The following CHRM3 variants were observed in gnomAD, a reference collection of about 807,000 sequenced individuals.
CHRM3 encodes the protein muscarinic acetylcholine receptor M3.
Under a neutral mutation model 41.8 loss-of-function variants are expected in CHRM3, and 11 were observed. That is an observed-to-expected ratio of 0.26 (90% CI 0.17 to 0.44). The LOEUF (loss-of-function observed/expected upper bound fraction) is 0.44. CHRM3 is among the 20% of genes least tolerant of loss of function. CHRM3 has a pLI of 1.00. For synonymous variants in CHRM3, 297 were observed against 301.4 expected (o/e 0.99, Z 0.15); for missense variants, 571 against 745.4 (o/e 0.77, Z 2.72).
rs564881964 is a variant in CHRM3 at position 239,565,698 on chromosome 1, G to T, written c.-313+19949G>T. ...CTTTTTAAAAGTTTCACAATTAGAT[G>T]AATAATTCTCTTTGTTTTGTTTCTG... On this transcript the variant is annotated intron_variant, in intron 3 of 6. Transcript: ENST00000676153. 7.7e-4 allele frequency among the ~76,000 whole-genome samples: 117 copies of T among 152,150 alleles called. 1 individual carries two copies. The South Asian group carries it at 0.016, about 21-fold the overall frequency.
chr1:239,524,471 TCG>T (rs1669860258), intron 2 of CHRM3, among the ~76,000 whole-genome samples: 1 of 152,144 alleles, frequency 6.6e-6, no homozygotes, highest in South Asian at 2.1e-4. Context: ...CAATTATTTG[TCG>T]CCATGACCGC....
At chr1:239,570,322 C>T (rs1429752781) in intron 3 of CHRM3, among the ~76,000 whole-genome samples, 2 of 152,094 alleles carry the variant, frequency 1.3e-5, no homozygotes, top group African/African-American at 4.8e-5. Flanking sequence ...CCTGAGGTCT[C>T]CCCAGCCATG....
At chr1:239,502,297 A>G (rs753046368) in intron 2 of CHRM3, among the ~76,000 whole-genome samples, 4 of 152,196 alleles carry the variant, frequency 2.6e-5, no homozygotes, top group Admixed American at 1.3e-4. Flanking sequence ...CAAGGCTACT[A>G]TGAACACCTT....
chr1:239,862,520 A>G (rs1318779036), intron 6 of CHRM3, among the ~76,000 whole-genome samples: 4 of 152,220 alleles, frequency 2.6e-5, no homozygotes, highest in African/African-American at 9.6e-5. Context: ...AAAGGGCAGT[A>G]GAACATGAAA....
chr1:239,838,828 G>A (rs142520603), intron 6 of CHRM3, among the ~76,000 whole-genome samples: 2 of 152,276 alleles, frequency 1.3e-5, no homozygotes, highest in East Asian at 3.9e-4. Flanking sequence ...AGCTCTTACT[G>A]CAGAAATTTA....
rs1671772484 is a variant in CHRM3 at position 239,646,729 on chromosome 1, GAA to G, written c.-250+14445_-250+14446del. Among the ~76,000 whole-genome samples the G allele has an allele frequency of 2.0e-5, 3 of 152,100 alleles. No individual in the cohort carries two copies. In the East Asian group the frequency reaches 5.8e-4, roughly 29 times the overall value. On this transcript the variant is annotated intron_variant, in intron 4 of 6. Coordinates refer to ENST00000676153, the MANE Select transcript of CHRM3 (RefSeq NM_001375978.1). Reference sequence around the variant, plus strand: ...TGGGTGTGTGGGTTATGAGGATGAGGAAAGGCAGACAAGGCCAGAATGAGAAT... The same window carrying G: ...TGGGTGTGTGGGTTATGAGGATGAGGAGGCAGACAAGGCCAGAATGAGAAT...
chr1:239,790,019 G>T (rs545244432), intron 5 of CHRM3, among the ~76,000 whole-genome samples: 1 of 152,110 alleles, frequency 6.6e-6, no homozygotes, highest in Non-Finnish European at 1.5e-5. Context: ...CCCGTTTGGC[G>T]AATTTCTACC....
chr1:239,769,209 G>A (rs1329220003), intron 5 of CHRM3, among the ~76,000 whole-genome samples: 3 of 152,182 alleles, frequency 2.0e-5, no homozygotes, highest in Non-Finnish European at 4.4e-5. Context: ...GGGTGAACAG[G>A]TAGGCAATGG....
intron 4 of CHRM3, among the ~76,000 whole-genome samples, chr1:239,662,690 C>T (rs920734557): frequency 3.4e-4 from 52 of 152,162 alleles, no homozygotes; most frequent in African/African-American, 1.3e-3. Context: ...TAGTTTTCTG[C>T]AATGGATATT....
chr1:239,508,660 C>T lies in CHRM3; in HGVS notation c.-422+15853C>T, dbSNP rs561541224. ...AGTGAGTACGTTCTTACGAAATCAG[C>T]CCTAGAGCTTATTAGCGAAGTGCTT... is the stretch of plus-strand genomic sequence containing the variant. On this transcript the variant is annotated intron_variant, in intron 2 of 6. Transcript: ENST00000676153. Among the ~76,000 whole-genome samples, 27 of 152,258 alleles carry T rather than the reference C, an allele frequency of 1.8e-4. 1 individual carries two copies. In the South Asian group the frequency reaches 5.4e-3, roughly 30 times the overall value.
chr1:239,515,624 C>G (rs1223742783), intron 2 of CHRM3, among the ~76,000 whole-genome samples: 1 of 152,126 alleles, frequency 6.6e-6, no homozygotes, highest in Non-Finnish European at 1.5e-5. Context: ...GCATTCCACA[C>G]AAACAATTAT....
intron 1 of CHRM3, among the ~76,000 whole-genome samples, chr1:239,436,414 C>T (rs887742597): frequency 6.6e-6 from 1 of 152,104 alleles, no homozygotes; most frequent in African/African-American, 2.4e-5. Context: ...CTATGTCCTG[C>T]TGCTCTCACT....
At chr1:239,475,377 T>C (rs954918388) in intron 1 of CHRM3, among the ~76,000 whole-genome samples, 1 of 152,120 alleles carries the variant, frequency 6.6e-6, no homozygotes, top group African/African-American at 2.4e-5. Flanking sequence ...ACCTATAGGA[T>C]TGTCATCCTC....
intron 5 of CHRM3, among the ~76,000 whole-genome samples, chr1:239,728,391 A>G (rs1663643733): frequency 6.6e-6 from 1 of 151,994 alleles, no homozygotes; most frequent in Non-Finnish European, 1.5e-5. Context: ...AAAGGAAGTA[A>G]TGTAGGTACA....
intron 1 of CHRM3, among the ~76,000 whole-genome samples, chr1:239,404,414 G>A (rs200228079): frequency 5.2e-3 from 266 of 50,848 alleles, no homozygotes; most frequent in Middle Eastern, 8.5e-3. Flanking sequence ...GAAAGAAAAA[G>A]AAAGAAAGAA....
At chr1:239,551,589 A>C (rs1659838153) in intron 3 of CHRM3, among the ~76,000 whole-genome samples, 1 of 152,014 alleles carries the variant, frequency 6.6e-6, no homozygotes, top group Non-Finnish European at 1.5e-5. Flanking sequence ...GAGGACTTAA[A>C]CTTGTTTGAT....
intron 3 of CHRM3, among the ~76,000 whole-genome samples, chr1:239,617,319 G>A (rs547235112): frequency 3.0e-4 from 46 of 152,248 alleles, no homozygotes; most frequent in African/African-American, 9.1e-4. Context: ...TGTTGTAACC[G>A]TCTAGGTAGT....
chr1:239,755,673 G>A (rs1666182509), intron 5 of CHRM3, among the ~76,000 whole-genome samples: 1 of 152,196 alleles, frequency 6.6e-6, no homozygotes, highest in Non-Finnish European at 1.5e-5. Flanking sequence ...TGTGTTCAGA[G>A]AAGCCAGCAC....
chr1:239,453,467 C>T (rs1329767845), intron 1 of CHRM3, among the ~76,000 whole-genome samples: 1 of 152,058 alleles, frequency 6.6e-6, no homozygotes, highest in Non-Finnish European at 1.5e-5. Context: ...TCTATGAAAA[C>T]ATCTATGCTG....
Sources: allele counts gnomAD v4.1 joint callset (sites outside exome capture counted in the v4.1 genomes callset), GRCh38; gene constraint gnomAD v4.1.1; transcripts MANE v1.5; gene names NCBI Gene and HGNC (gene_info 2026-07-23, HGNC 2026-07-21).